Variants in MACROH2A1 observed in about 807,000 individuals in gnomAD.
MACROH2A1 encodes core histone macro-H2A.1.
In MACROH2A1, 2 loss-of-function variants were observed where a neutral mutation model predicts 31.6. The observed-to-expected ratio is 0.06, with a 90% CI of 0.03 to 0.20. The LOEUF (loss-of-function observed/expected upper bound fraction) is 0.20. Ranked by LOEUF, MACROH2A1 falls within the 10% of genes least tolerant of loss-of-function variation. MACROH2A1 has a pLI of 1.00. For missense variants in MACROH2A1, 230 were observed against 474.0 expected (o/e 0.49, Z 4.78); for synonymous variants, 169 against 189.6 (o/e 0.89, Z 0.89).
At position 135,396,740 on chromosome 5, in the gene MACROH2A1, G is replaced by A. The variant is rs142066464; in HGVS notation, c.-34+2322C>T. Among the ~76,000 whole-genome samples the A allele has an allele frequency of 1.2e-3, 178 of 152,200 alleles. 1 individual carries two copies. The highest frequency in any genetic ancestry group is 4.0e-3 in the African/African-American group (166 of 41,530). ...TTCTCCCAAAGTCAGCTCCCCCAAG[G>A]TAGGGGCTAGGCATTTCTTAATCAC... On this transcript the variant is annotated intron_variant, in intron 1 of 8. Transcript: ENST00000511689.
chr5:135,361,078 T>C (rs3756366), intron 4 of MACROH2A1: 12 of 280,028 alleles, frequency 4.3e-5, no homozygotes, highest in South Asian at 4.0e-4. Flanking sequence ...GCTTCCACCC[T>C]TCCTTCCTTA....
chr5:135,348,853 G>A (rs559632659), intron 6 of MACROH2A1, among the ~76,000 whole-genome samples: 7 of 152,294 alleles, frequency 4.6e-5, no homozygotes, highest in Admixed American at 2.0e-4. Flanking sequence ...CAGGGTCCTG[G>A]GCCCAGATTG....
In MACROH2A1 at chr5:135,370,054, A is replaced by G. The variant is rs1763985019; in HGVS notation, c.261T>C (p.Asn87=). Reference sequence around the variant, plus strand: ...CCCATACCTGATTCAGCTCTTCATCATTGGCCACAGCCAGCAGGATGTGCC... The same window carrying G: ...CCCATACCTGATTCAGCTCTTCATCGTTGGCCACAGCCAGCAGGATGTGCC... ...TPRHILLAVA[N]DEELNQLLKG... is the part of the protein sequence containing the mutation. Residue 87 remains asparagine (N), a synonymous_variant, in exon 3 of 9, where the codon AAT becomes AAC. Coordinates refer to ENST00000511689, the MANE Select transcript of MACROH2A1 (RefSeq NM_138610.3). 3.1e-6 allele frequency: 5 copies of G among 1,611,944 alleles called. No homozygotes were observed. The highest frequency in any genetic ancestry group is 2.2e-5 in the East Asian group (1 of 44,864).
At position 135,345,763 on chromosome 5, in the gene MACROH2A1, T is replaced by TA. The variant is rs147475348; in HGVS notation, c.778+204dup. ...AACATATAGGAGCTATTTTAAGTAA[T>TA]AAAAAAAAATGCAAAGGTGATTTTC... On this transcript the variant is annotated intron_variant, in intron 7 of 8. Transcript: ENST00000511689. The TA allele has an allele frequency of 4.5e-3, 2,404 of 528,450 alleles. 33 individuals carry two copies. The highest frequency in any genetic ancestry group is 0.034 in the African/African-American group (1,778 of 52,488). The allele number at this position is 528,450 out of a possible 1,614,324, so 32.7% of individuals were successfully genotyped here.
At chr5:135,349,636 T>C (rs1761275018) in intron 6 of MACROH2A1, among the ~76,000 whole-genome samples, 1 of 152,136 alleles carries the variant, frequency 6.6e-6, no homozygotes. Flanking sequence ...TCCAGGACGC[T>C]TGTGAAAATC....
chr5:135,372,605 GC>G (rs1356598093), intron 2 of MACROH2A1, among the ~76,000 whole-genome samples: 31 of 152,340 alleles, frequency 2.0e-4, no homozygotes, highest in Non-Finnish European at 1.5e-5. Flanking sequence ...ATGCAGAAGC[GC>G]CTGCCTGGCC....
chr5:135,396,264 G>A (rs1346740462), intron 1 of MACROH2A1, among the ~76,000 whole-genome samples: 1 of 152,200 alleles, frequency 6.6e-6, no homozygotes, highest in African/African-American at 2.4e-5. Context: ...GGCTTCACAG[G>A]ACAGGACTCT....
intron 2 of MACROH2A1, among the ~76,000 whole-genome samples, chr5:135,386,700 G>C (rs541070696): frequency 6.6e-6 from 1 of 152,260 alleles, no homozygotes; most frequent in South Asian, 2.1e-4. Context: ...AGGAGCACTG[G>C]GCTCAGATTC....
intron 7 of MACROH2A1, chr5:135,344,518 C>T (rs897093098): frequency 2.0e-5 from 3 of 152,164 alleles, no homozygotes; most frequent in Non-Finnish European, 2.9e-5. Flanking sequence ...TGAGTCCTGG[C>T]TCTGCTTTGT....
Position 135,371,826 on chromosome 5 carries a change from G to A in MACROH2A1, c.173-1684C>T, listed in dbSNP as rs541567445. Among the ~76,000 whole-genome samples the A allele has an allele frequency of 2.0e-5, 3 of 152,274 alleles. No homozygotes were observed. The South Asian group carries it at 6.2e-4, about 32-fold the overall frequency. ...ATATTTAGTTATGTTGTAAACACTA[G>A]ATTTCTCCAGCAACACCAGCACTCA... On this transcript the variant is annotated intron_variant, in intron 2 of 8. Coordinates refer to ENST00000511689, the MANE Select transcript of MACROH2A1 (RefSeq NM_138610.3).
chr5:135,395,236 A>G (rs1292859671), intron 1 of MACROH2A1, among the ~76,000 whole-genome samples: 1 of 152,206 alleles, frequency 6.6e-6, no homozygotes, highest in Non-Finnish European at 1.5e-5. Flanking sequence ...ACTCCTGTTT[A>G]AGCTACAGCA....
rs572248804 is a variant in MACROH2A1 at position 135,385,732 on chromosome 5, C to A, written c.172+3190G>T. 5.9e-5 allele frequency among the ~76,000 whole-genome samples: 9 copies of A among 152,332 alleles called. No individual in the cohort carries two copies. The East Asian group carries it at 1.4e-3, about 23-fold the overall frequency. ...CCTCTCCAGGGCTCAGCTGATTTCT[C>A]CTCCTCAGAGAAGCCTTCCCTGGCC... is the stretch of plus-strand genomic sequence containing the variant. On this transcript the variant is annotated intron_variant, in intron 2 of 8. Transcript: ENST00000511689.
intron 8 of MACROH2A1, among the ~76,000 whole-genome samples, chr5:135,336,329 CTT>C (rs1454225731): frequency 6.6e-6 from 1 of 152,250 alleles, no homozygotes; most frequent in African/African-American, 2.4e-5. Flanking sequence ...GGGAAACCCT[CTT>C]GTGACTTGCT....
chr5:135,379,269 G>A (rs1490591360), intron 2 of MACROH2A1, among the ~76,000 whole-genome samples: 1 of 152,130 alleles, frequency 6.6e-6, no homozygotes, highest in Non-Finnish European at 1.5e-5. Context: ...CGCTACTATC[G>A]GCCTTTAAAG....
At chr5:135,341,010 C>A (rs575258323) in intron 8 of MACROH2A1, among the ~76,000 whole-genome samples, 1 of 152,222 alleles carries the variant, frequency 6.6e-6, no homozygotes, top group East Asian at 1.9e-4. Context: ...ATAACAGATG[C>A]TCTTTTATGA....
chr5:135,373,957 G>A (rs1360539322), intron 2 of MACROH2A1, among the ~76,000 whole-genome samples: 2 of 152,084 alleles, frequency 1.3e-5, no homozygotes, highest in East Asian at 1.9e-4. Context: ...TAACCCCATC[G>A]TTAAGGGACA....
At position 135,334,845 on chromosome 5, in the gene MACROH2A1, C is replaced by CTTAT; in HGVS notation, c.*127_*130dup. Reference sequence around the variant, plus strand: ...AAACAATTAAACTGGAAACCAAAGCCTTATTTTCCCTAGATGAGCAAAACT... The same window carrying CTTAT: ...AAACAATTAAACTGGAAACCAAAGCCTTATTTATTTTCCCTAGATGAGCAAAACT... On this transcript the variant is annotated 3_prime_UTR_variant, in exon 9 of 9. Transcript: ENST00000511689. The CTTAT allele has an allele frequency of 1.3e-6, 1 of 753,420 alleles. No individual in the cohort carries two copies. Among genetic ancestry groups the CTTAT allele is most frequent in the Non-Finnish European group, 2.2e-6 (1 of 446,344 alleles). The allele number at this position is 753,420 out of a possible 1,614,324, so 46.7% of individuals were successfully genotyped here.
intron 8 of MACROH2A1, among the ~76,000 whole-genome samples, chr5:135,341,592 G>T (rs768320908): frequency 6.6e-5 from 10 of 152,194 alleles, no homozygotes; most frequent in Non-Finnish European, 1.2e-4. Context: ...GTGCCCATCT[G>T]CCTGTGGACA....
intron 6 of MACROH2A1, chr5:135,346,305 G>A (rs1760827796): frequency 1.4e-5 from 7 of 509,578 alleles, no homozygotes; most frequent in Middle Eastern, 1.0e-3. Context: ...CTGACTCAGG[G>A]TGATCATGGA....
Sources: allele counts gnomAD v4.1 joint callset (sites outside exome capture counted in the v4.1 genomes callset), GRCh38; gene constraint gnomAD v4.1.1; transcripts MANE v1.5; gene names NCBI Gene and HGNC (gene_info 2026-07-23, HGNC 2026-07-21).